Variants in DNAH17 observed in about 807,000 individuals in gnomAD.
DNAH17 encodes the protein axonemal beta dynein heavy chain 17.
Under a neutral mutation model 485.6 loss-of-function variants are expected in DNAH17, and 376 were observed. The observed-to-expected ratio is 0.77, with a 90% CI of 0.71 to 0.84. DNAH17 has a LOEUF of 0.84. Among genes scored for constraint, DNAH17 ranks in the 40% least tolerant of loss-of-function variants. DNAH17 has a pLI of 0.00. For missense variants in DNAH17, 6,370 were observed against 5,839.3 expected (o/e 1.09, Z -2.96); for synonymous variants, 3,031 against 2,405.9 (o/e 1.26, Z -7.60).
intron 71 of DNAH17, among the ~76,000 whole-genome samples, chr17:78,442,381 G>T (rs1000711686): frequency 4.6e-5 from 7 of 152,182 alleles, no homozygotes; most frequent in Non-Finnish European, 8.8e-5. Context: ...CTTGTCTCTG[G>T]TGTCCTGAAC....
chr17:78,456,011 G>A (rs904326646), intron 62 of DNAH17, among the ~76,000 whole-genome samples, 175 bp from the exon 63 acceptor site: 2 of 152,126 alleles, frequency 1.3e-5, no homozygotes, highest in African/African-American at 4.8e-5. Flanking sequence ...CCCGAATCAT[G>A]CTTTGTGGCC....
chr17:78,478,949 C>T (rs957638126), intron 51 of DNAH17, 76 bp downstream of exon 51: 6 of 1,196,930 alleles, frequency 5.0e-6, no homozygotes, highest in South Asian at 1.3e-5. Context: ...TCCCTGAGAG[C>T]TGTGATGAGG....
chr17:78,490,317 C>G (rs537394529), intron 44 of DNAH17, among the ~76,000 whole-genome samples: 1 of 152,208 alleles, frequency 6.6e-6, no homozygotes, highest in Non-Finnish European at 1.5e-5. Context: ...GCCCTGTGAA[C>G]GCGGGTTCTT....
chr17:78,448,667 G>C (rs577821679), intron 69 of DNAH17, among the ~76,000 whole-genome samples: 5 of 152,368 alleles, frequency 3.3e-5, no homozygotes, highest in African/African-American at 1.2e-4. Flanking sequence ...AATCCTCAGT[G>C]CAACAGTGTT....
At chr17:78,510,726 C>T (rs190037564) in intron 26 of DNAH17, 1 of 544,870 alleles carries the variant, frequency 1.8e-6, no homozygotes, top group East Asian at 3.1e-5. Context: ...AAGAGCAGAA[C>T]GCACCTGCAC....
rs750688382 is a variant in DNAH17, at chr17:78,475,486, G to T, written c.8320-17C>A. 5 of 1,613,462 alleles carry T rather than the reference G, an allele frequency of 3.1e-6. No individual in the cohort carries two copies. The Admixed American group carries it at 6.7e-5, about 22-fold the overall frequency. ...AAACAGCACCTGCAGAAACCGGAGAGATCCCACAACATCTTGTAGCACCTG... is the reference window on the plus strand; with the variant it reads ...AAACAGCACCTGCAGAAACCGGAGATATCCCACAACATCTTGTAGCACCTG... On this transcript the variant is annotated splice_polypyrimidine_tract_variant and intron_variant, in intron 53 of 80. Transcript: ENST00000389840.
intron 19 of DNAH17, chr17:78,532,989 T>TGTAGTGTG: frequency 8.5e-6 from 3 of 353,442 alleles, no homozygotes; most frequent in East Asian, 5.6e-5. Context: ...ACTCCTGGGC[T>TGTAGTGTG]CAAGCGATCC....
intron 56 of DNAH17, among the ~76,000 whole-genome samples, chr17:78,464,904 C>T (rs150397049): frequency 5.9e-5 from 9 of 152,338 alleles, no homozygotes; most frequent in South Asian, 2.1e-4. Flanking sequence ...AATTTTTTAG[C>T]GCTAATTTGA....
At chr17:78,505,026 C>T (rs1189120922) in intron 31 of DNAH17, among the ~76,000 whole-genome samples, 1 of 151,306 alleles carries the variant, frequency 6.6e-6, no homozygotes, top group Non-Finnish European at 1.5e-5. Flanking sequence ...CTGCCTCAGC[C>T]TCCCGAACAG....
intron 44 of DNAH17, among the ~76,000 whole-genome samples, chr17:78,489,223 G>A (rs1321146172): frequency 6.6e-6 from 1 of 152,188 alleles, no homozygotes. Flanking sequence ...CCCACGCAGA[G>A]AGCAAAGAAG....
intron 71 of DNAH17, among the ~76,000 whole-genome samples, chr17:78,441,523 A>T (rs565839520): frequency 1.3e-5 from 2 of 152,278 alleles, no homozygotes; most frequent in African/African-American, 2.4e-5. Context: ...AGAAGGAAGG[A>T]AGTTCAGATT....
chr17:78,567,097 G>A lies in DNAH17; in HGVS notation c.1354C>T (p.Leu452Phe), dbSNP rs1420212594. 6.2e-7 allele frequency: 1 copy of A among 1,612,954 alleles called. No individual in the cohort carries two copies. The highest frequency in any genetic ancestry group is 1.3e-5 in the African/African-American group (1 of 75,008). Reference protein sequence around the residue: ...KIELGGVRGNLLGSLVTRIYD... With the variant: ...KIELGGVRGNFLGSLVTRIYD... ...ATACGGGTCACCAGGCTCCCGAGGA[G>A]GTTCCCACGCACGCCCCCAAGCTCG... Residue 452 changes from leucine (L) to phenylalanine (F), a missense_variant, in exon 10 of 81, where the codon CTC becomes TTC. By Grantham distance (22) the Leu-to-Phe change is conservative. Transcript: ENST00000389840.
At position 78,426,944 on chromosome 17, in the gene DNAH17, C is replaced by A; in HGVS notation, c.12753G>T (p.Glu4251Asp). ...TGTTTACCTTCAGCCCCAGGTTCAG[C>A]TCCTTGAGCGAACGGCGCATTTCGT... ...LTNEMRRSLKELNLGLKGELT... is the reference protein window; with the variant it reads ...LTNEMRRSLKDLNLGLKGELT... Residue 4251 changes from glutamate (E) to aspartate (D), a missense_variant, in exon 78 of 81, where the codon GAG becomes GAT. Coordinates refer to ENST00000389840, the MANE Select transcript of DNAH17 (RefSeq NM_173628.4). 1 of 1,607,174 alleles carries A rather than the reference C, an allele frequency of 6.2e-7. No homozygotes were observed. Among genetic ancestry groups the A allele is most frequent in the East Asian group, 2.2e-5 (1 of 44,656 alleles).
In DNAH17 at chr17:78,507,805, C is replaced by G. The variant is rs778102980; in HGVS notation, c.4237G>C (p.Val1413Leu). The change falls in exon 28 of 81, where the codon GTG (valine) becomes CTG (leucine). Residue 1413 changes from valine to leucine, a missense_variant and splice_region_variant. Coordinates refer to ENST00000389840, the MANE Select transcript of DNAH17 (RefSeq NM_173628.4). ...KAVKESGMEK[V>L]LKALDSTWSM... Reference sequence around the variant, plus strand: ...CAGGTACTGTCCAGGGCTTTCAGCACCTTTTGGGGGAACAGAAAAATAAGG... The same window carrying G: ...CAGGTACTGTCCAGGGCTTTCAGCAGCTTTTGGGGGAACAGAAAAATAAGG... The G allele has an allele frequency of 6.4e-7, 1 of 1,552,950 alleles. No individual in the cohort carries two copies.
rs772213018 is a variant in DNAH17, at chr17:78,427,049, C to T, written c.12648G>A (p.Glu4216=). ...TCTTTTCCGCTGCCTTTGCCATGATCTCAGCCATGTTGAAAGTCTCCGGAA... is the reference window on the plus strand; with the variant it reads ...TCTTTTCCGCTGCCTTTGCCATGATTTCAGCCATGTTGAAAGTCTCCGGAA... ...EKIPETFNMA[E]IMAKAAEKTP... The change falls in exon 78 of 81, where the codon GAG becomes GAA. Residue 4216 remains glutamate, a synonymous_variant. Coordinates refer to ENST00000389840, the MANE Select transcript of DNAH17 (RefSeq NM_173628.4). The T allele has an allele frequency of 1.9e-6, 3 of 1,601,122 alleles. No homozygotes were observed. Among genetic ancestry groups the T allele is most frequent in the Non-Finnish European group, 1.7e-6 (2 of 1,174,046 alleles).
intron 1 of DNAH17, among the ~76,000 whole-genome samples, chr17:78,575,524 G>A (rs951557018): frequency 6.6e-6 from 1 of 152,158 alleles, no homozygotes; most frequent in Admixed American, 6.5e-5. Flanking sequence ...TGTGTGAAAC[G>A]CAAGAAGGAA....
At chr17:78,544,961 AAC>A (rs764605001) in intron 16 of DNAH17, among the ~76,000 whole-genome samples, 2 of 152,004 alleles carry the variant, frequency 1.3e-5, no homozygotes, top group South Asian at 2.1e-4. Flanking sequence ...TTTGTCAAAA[AAC>A]AGTCTTTGGC....
intron 51 of DNAH17, among the ~76,000 whole-genome samples, chr17:78,478,359 TCAC>T (rs772440617): frequency 1.7e-4 from 24 of 139,262 alleles, no homozygotes; most frequent in East Asian, 1.3e-3. Context: ...CACATCACCA[TCAC>T]CACCACCATC....
chr17:78,514,562 G>A (rs2090728519), intron 26 of DNAH17, among the ~76,000 whole-genome samples: 1 of 151,154 alleles, frequency 6.6e-6, no homozygotes, highest in Non-Finnish European at 1.5e-5. Flanking sequence ...TGGTGAAGTT[G>A]AGATGGTAAA....
Sources: allele counts gnomAD v4.1 joint callset (sites outside exome capture counted in the v4.1 genomes callset), GRCh38; gene constraint gnomAD v4.1.1; transcripts MANE v1.5; gene names NCBI Gene and HGNC (gene_info 2026-07-23, HGNC 2026-07-21).